PARM1: variants seen among roughly 807,000 people sequenced by gnomAD.
PARM1 encodes the protein prostate androgen-regulated mucin-like protein 1.
A neutral mutation model predicts 24.6 loss-of-function variants in PARM1; 14 were observed. The observed-to-expected ratio is 0.57, with a 90% CI of 0.38 to 0.89. The LOEUF (loss-of-function observed/expected upper bound fraction) is 0.89, where lower values mean the gene tolerates loss of function less well. Among genes scored for constraint, PARM1 ranks in the 40% least tolerant of loss-of-function variants. PARM1 has a pLI of 0.00. For synonymous variants in PARM1, 179 were observed against 156.6 expected, an observed-to-expected ratio of 1.14 and a Z score of -1.07; for missense variants, 362 against 380.4, an observed-to-expected ratio of 0.95 and a Z score of 0.40.
intron 2 of PARM1, among the ~76,000 whole-genome samples, chr4:75,028,663 C>T (rs1001587177): frequency 5.3e-5 from 8 of 152,216 alleles, no homozygotes; most frequent in African/African-American, 1.9e-4. Context: ...GAATGTAGCT[C>T]AGGAGTCATC....
intron 1 of PARM1, among the ~76,000 whole-genome samples, chr4:74,970,871 AC>A (rs1722017889): frequency 6.6e-6 from 1 of 152,222 alleles, no homozygotes. Flanking sequence ...GGGAGCCAGC[AC>A]AAAGGAATCA....
intron 1 of PARM1, among the ~76,000 whole-genome samples, chr4:74,940,366 G>A (rs1721279723): frequency 2.6e-5 from 4 of 152,126 alleles, no homozygotes; most frequent in Admixed American, 2.6e-4. Context: ...AAACAGGGTG[G>A]CTTATAAACA....
intron 1 of PARM1, among the ~76,000 whole-genome samples, chr4:74,998,106 A>G (rs1050209475): frequency 8.5e-5 from 13 of 152,168 alleles, no homozygotes; most frequent in African/African-American, 2.9e-4. Flanking sequence ...CTGTACTCCA[A>G]TCACAGTGCC....
intron 1 of PARM1, among the ~76,000 whole-genome samples, chr4:75,002,647 C>G (rs189420126): frequency 6.6e-6 from 1 of 152,116 alleles, no homozygotes; most frequent in Non-Finnish European, 1.5e-5. Flanking sequence ...GCAGAACATT[C>G]AAAGTGATGC....
intron 2 of PARM1, among the ~76,000 whole-genome samples, chr4:75,031,526 A>T (rs1018529803): frequency 4.0e-5 from 6 of 150,862 alleles, no homozygotes; most frequent in Admixed American, 3.3e-4. Context: ...ATCACTTACA[A>T]TAAAAAAAAA....
intron 1 of PARM1, among the ~76,000 whole-genome samples, chr4:74,963,809 G>A (rs973824965): frequency 1.3e-5 from 2 of 152,102 alleles, no homozygotes; most frequent in Non-Finnish European, 2.9e-5. Context: ...GGCAAATTTT[G>A]TAATATGTTT....
chr4:74,983,108 T>C (rs1352479283), intron 1 of PARM1, among the ~76,000 whole-genome samples: 2 of 152,182 alleles, frequency 1.3e-5, no homozygotes, highest in African/African-American at 2.4e-5. Context: ...TTAGAGGAAC[T>C]GATTACAATT....
intron 3 of PARM1, among the ~76,000 whole-genome samples, chr4:75,045,593 G>A (rs185720522): frequency 1.3e-5 from 2 of 152,286 alleles, no homozygotes; most frequent in East Asian, 3.9e-4. Flanking sequence ...GGATGACTTT[G>A]GGCACTTCAA....
At chr4:74,950,034 G>A (rs1469686435) in intron 1 of PARM1, among the ~76,000 whole-genome samples, 1 of 152,106 alleles carries the variant, frequency 6.6e-6, no homozygotes, top group Non-Finnish European at 1.5e-5. Flanking sequence ...CTCCTGGGTA[G>A]AAAGGGAAAT....
At chr4:75,041,717 C>G (rs958750760) in intron 3 of PARM1, among the ~76,000 whole-genome samples, 15 of 152,142 alleles carry the variant, frequency 9.9e-5, no homozygotes, top group Non-Finnish European at 2.1e-4. Flanking sequence ...CATCATTTAC[C>G]ATTTGTCACC....
chr4:74,974,205 G>A (rs1179262195), intron 1 of PARM1, among the ~76,000 whole-genome samples: 1 of 152,184 alleles, frequency 6.6e-6, no homozygotes, highest in East Asian at 1.9e-4. Context: ...ACTTTGAGGA[G>A]GGCAAACTAC....
chr4:75,034,015 G>T, intron 3 of PARM1, 54 bp downstream of exon 3: 15 of 1,384,670 alleles, frequency 1.1e-5, no homozygotes, highest in Non-Finnish European at 1.5e-5. Context: ...TGGGCTCTGG[G>T]CTGAGCGCTG....
intron 1 of PARM1, among the ~76,000 whole-genome samples, chr4:74,975,588 A>G (rs1722127871): frequency 6.6e-6 from 1 of 152,252 alleles, no homozygotes; most frequent in Non-Finnish European, 1.5e-5. Flanking sequence ...GGTATATTTT[A>G]TAAACATGTA....
chr4:74,940,188 G>T (rs566252966), intron 1 of PARM1, among the ~76,000 whole-genome samples: 1 of 152,226 alleles, frequency 6.6e-6, no homozygotes, highest in East Asian at 1.9e-4. Flanking sequence ...TTTTTACCAG[G>T]GGTAGTACAC....
chr4:75,000,989 C>T (rs17000068), intron 1 of PARM1, among the ~76,000 whole-genome samples: 1,526 of 152,204 alleles, frequency 0.01, 32 homozygotes, highest in African/African-American at 0.035. Context: ...CTACTTAGTC[C>T]AAGGTGTCCT....
At chr4:75,027,010 C>T (rs575793903) in intron 2 of PARM1, among the ~76,000 whole-genome samples, 2 of 152,260 alleles carry the variant, frequency 1.3e-5, no homozygotes, top group South Asian at 4.2e-4. Flanking sequence ...CTGCCTCGAT[C>T]CTCCTTTGCT....
At chr4:74,942,337 GAT>G (rs909458040) in intron 1 of PARM1, among the ~76,000 whole-genome samples, 3 of 152,164 alleles carry the variant, frequency 2.0e-5, no homozygotes, top group Admixed American at 2.0e-4. Context: ...CAAGGCTCTG[GAT>G]ATACATTAAT....
rs1560768629 is a variant in PARM1 at position 74,936,449 on chromosome 4, GTTTGTTT to G, written c.43+3083_43+3089del. ...TGTTACATTCAAGTGTTTTTTTTTT[GTTTGTTT>G]TTTTGTTTTTTTTTTGAGATGGAGT... On this transcript the variant is annotated intron_variant, in intron 1 of 3. Coordinates refer to ENST00000307428, the MANE Select transcript of PARM1 (RefSeq NM_015393.4). Among the ~76,000 whole-genome samples, 17 of 143,908 alleles carry G rather than the reference GTTTGTTT, an allele frequency of 1.2e-4. 1 individual carries two copies. Among genetic ancestry groups the G allele is most frequent in the African/African-American group, 3.8e-4 (15 of 39,162 alleles). The allele number at this position is 143,908 out of a possible 152,430, so 94.4% of individuals were successfully genotyped here.
At chr4:74,935,033 A>G (rs1452838532) in intron 1 of PARM1, among the ~76,000 whole-genome samples, 2 of 103,424 alleles carry the variant, frequency 1.9e-5, no homozygotes, top group African/African-American at 3.8e-5. Context: ...ATTCAGCGTT[A>G]CAGTTTAGCT....
Sources: allele counts gnomAD v4.1 joint callset (sites outside exome capture counted in the v4.1 genomes callset), GRCh38; gene constraint gnomAD v4.1.1; transcripts MANE v1.5; gene names NCBI Gene and HGNC (gene_info 2026-07-23, HGNC 2026-07-21).